The following ABCA13 variants were observed in gnomAD, a reference collection of about 807,000 sequenced individuals.
ABCA13 encodes the protein ATP binding cassette subfamily A member 13, also known as ATP-binding cassette sub-family A member 13.
ABCA13 carries 476 observed loss-of-function variants against 478.7 expected under a neutral mutation model. The ratio of observed to expected loss-of-function variants is 0.99; its 90% CI spans 0.92 to 1.07. The LOEUF (loss-of-function observed/expected upper bound fraction) is 1.07. Ranked by LOEUF, ABCA13 falls within the 50% of genes least tolerant of loss-of-function variation. The pLI, the probability that ABCA13 is intolerant of heterozygous loss-of-function variation, is 0.00. For synonymous variants in ABCA13, 2,252 were observed against 2,158.9 expected (o/e 1.04, Z -1.20); for missense variants, 6,060 against 5,910.6 (o/e 1.03, Z -0.83).
chr7:48,361,477 A>G lies in ABCA13; in HGVS notation c.10689-6317A>G, dbSNP rs1015396024. On this transcript the variant is annotated intron_variant, in intron 31 of 61. Transcript: ENST00000435803. ...TATTTGACTTCTGTTTTCTCAAAGAACCCTATTTGGACTTCATCAATTCTC... is the reference window on the plus strand; with the variant it reads ...TATTTGACTTCTGTTTTCTCAAAGAGCCCTATTTGGACTTCATCAATTCTC... Among the ~76,000 whole-genome samples, 9 of 150,920 alleles carry G rather than the reference A, an allele frequency of 6.0e-5. No homozygotes were observed. In the East Asian group the frequency reaches 1.8e-3, roughly 29 times the overall value.
chr7:48,320,463 T>G (rs1384465758), intron 27 of ABCA13, among the ~76,000 whole-genome samples: 1 of 152,216 alleles, frequency 6.6e-6, no homozygotes, highest in Non-Finnish European at 1.5e-5. Context: ...ACTCATACTC[T>G]AAGGGTGTCA....
chr7:48,337,727 G>A (rs559780404), intron 28 of ABCA13, among the ~76,000 whole-genome samples: 4 of 152,192 alleles, frequency 2.6e-5, no homozygotes, highest in Non-Finnish European at 5.9e-5. Flanking sequence ...GTAAGTGTCA[G>A]GCAGTGCAAT....
intron 50 of ABCA13, among the ~76,000 whole-genome samples, chr7:48,510,331 C>T (rs1003660314): frequency 6.6e-6 from 1 of 152,262 alleles, no homozygotes; most frequent in African/African-American, 2.4e-5. Flanking sequence ...AGGAAGAGGT[C>T]TGCAGCTTGA....
At chr7:48,265,513 C>T (rs984600866) in intron 15 of ABCA13, among the ~76,000 whole-genome samples, 1 of 151,370 alleles carries the variant, frequency 6.6e-6, no homozygotes, top group African/African-American at 2.4e-5. Context: ...AGATTTATCC[C>T]TAAGATTTTA....
chr7:48,263,007 A>G (rs1290757693), intron 15 of ABCA13, among the ~76,000 whole-genome samples: 2 of 151,894 alleles, frequency 1.3e-5, no homozygotes, highest in Admixed American at 6.6e-5. Flanking sequence ...AACTGAAGTA[A>G]ATTAATAGAC....
In ABCA13 at chr7:48,279,710, C is replaced by T; in HGVS notation, c.8516C>T (p.Thr2839Ile). ...CTGTTTAACAACTCTGAATGGATAA[C>T]TTCCACAAGAACTTTGTTTCAGCCA... ...GLLFNNSEWI[T>I]STRTLFQPLF... Residue 2839 changes from threonine to isoleucine, a missense_variant, in exon 18 of 62, where the codon ACT becomes ATT. By Grantham distance (89) the Thr-to-Ile change is moderately conservative. This residue lies in a region of ABCA13 where 4,423 missense variants were observed against 4,309.1 expected (regional missense o/e 1.03). Transcript: ENST00000435803. The T allele has an allele frequency of 1.2e-6, 2 of 1,613,588 alleles. No individual in the cohort carries two copies. The highest frequency in any genetic ancestry group is 1.3e-5 in the African/African-American group (1 of 75,010).
chr7:48,462,035 CAAAG>C (rs1474684952), intron 43 of ABCA13, among the ~76,000 whole-genome samples: 1 of 151,980 alleles, frequency 6.6e-6, no homozygotes, highest in Non-Finnish European at 1.5e-5. Flanking sequence ...TTAGGGGTGT[CAAAG>C]AAGGTTTTTT....
chr7:48,401,616 C>T (rs1252473002), intron 38 of ABCA13, among the ~76,000 whole-genome samples: 1 of 152,094 alleles, frequency 6.6e-6, no homozygotes, highest in Non-Finnish European at 1.5e-5. Context: ...CAACCAGCAC[C>T]TATGATGCTA....
At chr7:48,565,786 T>C (rs1291733889) in intron 55 of ABCA13, among the ~76,000 whole-genome samples, 1 of 152,176 alleles carries the variant, frequency 6.6e-6, no homozygotes, top group South Asian at 2.1e-4. Flanking sequence ...GAAGCTGTCT[T>C]TGGATTCAGT....
intron 43 of ABCA13, among the ~76,000 whole-genome samples, chr7:48,465,157 A>G (rs1826730443): frequency 6.6e-6 from 1 of 152,206 alleles, no homozygotes; most frequent in Admixed American, 6.5e-5. Flanking sequence ...TTCAAATACT[A>G]TTTCAAAACG....
At chr7:48,585,553 TG>T (rs953455994) in intron 56 of ABCA13, among the ~76,000 whole-genome samples, 2 of 152,178 alleles carry the variant, frequency 1.3e-5, no homozygotes, top group Non-Finnish European at 2.9e-5. Context: ...AAGATTTTAC[TG>T]GGGGGCATAA....
At chr7:48,400,529 T>C (rs553876182) in intron 38 of ABCA13, among the ~76,000 whole-genome samples, 1 of 152,358 alleles carries the variant, frequency 6.6e-6, no homozygotes, top group East Asian at 1.9e-4. Flanking sequence ...TTGATATGTA[T>C]AAGATCAATA....
Position 48,298,439 on chromosome 7 carries a change from G to A in ABCA13, c.9273G>A (p.Ser3091=). Residue 3091 remains serine (S), a synonymous_variant, in exon 23 of 62, where the codon TCG becomes TCA. Transcript: ENST00000435803. ...TEELRSSIQI[S]NETIHSILEA... ...AGCTTCGCTCTTCCATCCAAATCTC[G>A]AATGAGACTATCCATAGCATTCTAG... 2.5e-6 allele frequency: 4 copies of A among 1,613,544 alleles called. No homozygotes were observed. Among genetic ancestry groups the A allele is most frequent in the Non-Finnish European group, 2.5e-6 (3 of 1,179,672 alleles).
chr7:48,555,348 T>C (rs550123954), intron 55 of ABCA13, among the ~76,000 whole-genome samples: 1 of 151,838 alleles, frequency 6.6e-6, no homozygotes, highest in African/African-American at 2.4e-5. Flanking sequence ...GCCTCATAGA[T>C]TGAGTTTGGA....
intron 48 of ABCA13, among the ~76,000 whole-genome samples, chr7:48,504,936 C>G (rs1662942376): frequency 6.6e-6 from 1 of 152,094 alleles, no homozygotes; most frequent in Non-Finnish European, 1.5e-5. Flanking sequence ...AAGAAAGACA[C>G]ATAGGAGAAA....
At chr7:48,337,968 C>T (rs1415686577) in intron 28 of ABCA13, among the ~76,000 whole-genome samples, 3 of 152,124 alleles carry the variant, frequency 2.0e-5, no homozygotes, top group Non-Finnish European at 2.9e-5. Context: ...ATTCTGAAAT[C>T]CTCCTTCAGA....
intron 43 of ABCA13, among the ~76,000 whole-genome samples, chr7:48,463,443 C>A (rs1826491613): frequency 6.6e-6 from 1 of 152,102 alleles, no homozygotes; most frequent in Admixed American, 6.5e-5. Context: ...TTTTTCTTGA[C>A]TATTGGGGTC....
intron 43 of ABCA13, among the ~76,000 whole-genome samples, chr7:48,462,772 G>T (rs1826406823): frequency 6.6e-6 from 1 of 152,164 alleles, no homozygotes; most frequent in Non-Finnish European, 1.5e-5. Flanking sequence ...GCCTCCCAAA[G>T]TGCTGGGATT....
At chr7:48,440,708 A>C (rs1823470517) in intron 42 of ABCA13, among the ~76,000 whole-genome samples, 2 of 151,604 alleles carry the variant, frequency 1.3e-5, no homozygotes, top group East Asian at 3.9e-4. Flanking sequence ...TATTGCCTAT[A>C]TATATCCTCT....
Sources: allele counts gnomAD v4.1 joint callset (sites outside exome capture counted in the v4.1 genomes callset), GRCh38; gene constraint gnomAD v4.1.1; regional missense constraint gnomAD v4.1.1; transcripts MANE v1.5; gene names NCBI Gene and HGNC (gene_info 2026-07-23, HGNC 2026-07-21).